The following ZMYM4 variants were observed in gnomAD, a reference collection of about 807,000 sequenced individuals.
The protein encoded by ZMYM4 is zinc finger MYM-type protein 4.
Under a neutral mutation model 183.2 loss-of-function variants are expected in ZMYM4, and 31 were observed. The ratio of observed to expected loss-of-function variants is 0.17; its 90% confidence interval spans 0.13 to 0.23. The LOEUF (loss-of-function observed/expected upper bound fraction) is 0.23. Among genes scored for constraint, ZMYM4 ranks in the 10% least tolerant of loss-of-function variants. The pLI is 1.00. For missense variants in ZMYM4, 1,273 were observed against 1,840.3 expected (o/e 0.69, Z 5.64); for synonymous variants, 592 against 631.2 (o/e 0.94, Z 0.93).
At position 35,322,592 on chromosome 1, in the gene ZMYM4, C is replaced by T. The variant is rs563811904; in HGVS notation, c.40-2768C>T. On this transcript the variant is annotated intron_variant, in intron 1 of 29. Transcript: ENST00000314607. ...GTGTGGAGGTCGCTTATGACCTTGACGAGAAAAGTTTCAGTAGAAATAGTG... is the reference window on the plus strand; with the variant it reads ...GTGTGGAGGTCGCTTATGACCTTGATGAGAAAAGTTTCAGTAGAAATAGTG... Among the ~76,000 whole-genome samples the T allele has an allele frequency of 4.6e-5, 7 of 152,150 alleles. No individual in the cohort carries two copies. The South Asian group carries it at 1.0e-3, about 23-fold the overall frequency.
chr1:35,320,066 A>G (rs1328051777), intron 1 of ZMYM4, among the ~76,000 whole-genome samples: 1 of 152,212 alleles, frequency 6.6e-6, no homozygotes, highest in African/African-American at 2.4e-5. Context: ...ATATAATAGG[A>G]AATACATATT....
intron 25 of ZMYM4, among the ~76,000 whole-genome samples, chr1:35,405,969 G>A (rs1042330156): frequency 6.6e-6 from 1 of 152,074 alleles, no homozygotes; most frequent in African/African-American, 2.4e-5. Context: ...CACTACTTTT[G>A]ACACCCTATT....
intron 1 of ZMYM4, among the ~76,000 whole-genome samples, chr1:35,294,630 C>CT (rs1177544111): frequency 6.6e-6 from 1 of 152,140 alleles, no homozygotes; most frequent in Non-Finnish European, 1.5e-5. Flanking sequence ...GGATGGTCTA[C>CT]TGGCCATTTT....
chr1:35,379,172 G>A (rs1057082558), intron 7 of ZMYM4, among the ~76,000 whole-genome samples: 3 of 152,072 alleles, frequency 2.0e-5, no homozygotes, highest in Non-Finnish European at 2.9e-5. Context: ...GCAATCTCAG[G>A]TCACTGCAGC....
chr1:35,275,784 T>C (rs1017119491), intron 1 of ZMYM4, among the ~76,000 whole-genome samples: 1 of 152,124 alleles, frequency 6.6e-6, no homozygotes, highest in Non-Finnish European at 1.5e-5. Context: ...ACCATTTGAC[T>C]TAAAAAAAAA....
intron 1 of ZMYM4, among the ~76,000 whole-genome samples, chr1:35,315,513 A>G (rs920303150): frequency 8.5e-5 from 13 of 152,336 alleles, no homozygotes; most frequent in African/African-American, 3.1e-4. Flanking sequence ...GGAGAAACCA[A>G]GCCTGTTTTT....
rs762944244 is a variant in ZMYM4, at chr1:35,399,489, T to C, written c.3441T>C (p.Phe1147=). ...DLEADFPSDS[F]DPLNKGQGIQ... ...TTCTGCTGATTATTATAGACTCCTT[T>C]GACCCACTTAATAAAGGACAGGGAA... Residue 1147 remains phenylalanine, a synonymous_variant, in exon 23 of 30, where the codon TTT becomes TTC. Coordinates refer to ENST00000314607, the MANE Select transcript of ZMYM4 (RefSeq NM_005095.3). 1.4e-5 allele frequency: 23 copies of C among 1,614,088 alleles called. No individual in the cohort carries two copies. Among genetic ancestry groups the C allele is most frequent in the Non-Finnish European group, 1.9e-5 (22 of 1,179,974 alleles).
chr1:35,300,190 A>G (rs576677750), intron 1 of ZMYM4, among the ~76,000 whole-genome samples: 1 of 152,198 alleles, frequency 6.6e-6, no homozygotes, highest in East Asian at 1.9e-4. Context: ...AGGTGTGGAA[A>G]TTTGGGGTTT....
intron 2 of ZMYM4, among the ~76,000 whole-genome samples, chr1:35,336,216 GTTGAACCTTCT>G (rs1642969816): frequency 1.3e-5 from 2 of 152,174 alleles, no homozygotes; most frequent in Admixed American, 1.3e-4. Context: ...GTGGAACCAT[GTTGAACCTTCT>G]TGTACCATGT....
chr1:35,395,952 G>A (rs114859790), intron 18 of ZMYM4, among the ~76,000 whole-genome samples: 2,667 of 152,042 alleles, frequency 0.018, 73 homozygotes, highest in African/African-American at 0.06. Flanking sequence ...TCCAAGTTCT[G>A]TTTCATCCTT....
At chr1:35,388,871 CT>C in intron 13 of ZMYM4, 38 bp from the exon 14 acceptor site, 1 of 1,597,590 alleles carries the variant, frequency 6.3e-7, no homozygotes, top group Non-Finnish European at 8.6e-7. Flanking sequence ...AAAACTAATA[CT>C]TCTACCTAAT....
intron 10 of ZMYM4, 101 bp downstream of exon 10, chr1:35,385,693 A>T (rs1644560626): frequency 7.6e-7 from 1 of 1,317,022 alleles, no homozygotes; most frequent in East Asian, 2.6e-5. Flanking sequence ...AGGCACATTT[A>T]ACATATTTCA....
At chr1:35,399,392 T>C in intron 22 of ZMYM4, 90 bp from the exon 23 acceptor site, 3 of 1,172,658 alleles carry the variant, frequency 2.6e-6, no homozygotes, top group South Asian at 1.4e-5. Flanking sequence ...AATATAGTGA[T>C]GATTACCTGA....
At chr1:35,417,859 A>C (rs1640183572) in intron 28 of ZMYM4, among the ~76,000 whole-genome samples, 1 of 152,124 alleles carries the variant, frequency 6.6e-6, no homozygotes. Context: ...AAAATACAAA[A>C]AAATTAGCTG....
At chr1:35,339,463 G>A (rs1643116289) in intron 2 of ZMYM4, among the ~76,000 whole-genome samples, 1 of 152,114 alleles carries the variant, frequency 6.6e-6, no homozygotes, top group African/African-American at 2.4e-5. Flanking sequence ...TCAAACTCCT[G>A]ACCTCAGGTG....
chr1:35,290,009 C>T (rs112492024), intron 1 of ZMYM4, among the ~76,000 whole-genome samples: 1 of 151,956 alleles, frequency 6.6e-6, no homozygotes, highest in Non-Finnish European at 1.5e-5. Context: ...ACTCTGTCAC[C>T]TAGGCTGGAG....
intron 7 of ZMYM4, among the ~76,000 whole-genome samples, chr1:35,379,351 G>A (rs191297947): frequency 1.3e-5 from 2 of 152,188 alleles, no homozygotes; most frequent in African/African-American, 4.8e-5. Context: ...CACCCACCTC[G>A]ACCTCCCAAA....
intron 1 of ZMYM4, among the ~76,000 whole-genome samples, chr1:35,277,606 C>T (rs1246373403): frequency 6.6e-6 from 1 of 152,030 alleles, no homozygotes; most frequent in African/African-American, 2.4e-5. Context: ...AATGATAATT[C>T]TTGCCTATAT....
chr1:35,386,302 G>T, intron 11 of ZMYM4, 113 bp downstream of exon 11: 1 of 703,372 alleles, frequency 1.4e-6, no homozygotes. Flanking sequence ...TAAAGAAAGA[G>T]GTTTAATTGG....
Sources: allele counts gnomAD v4.1 joint callset (sites outside exome capture counted in the v4.1 genomes callset), GRCh38; gene constraint gnomAD v4.1.1; transcripts MANE v1.5; gene names NCBI Gene and HGNC (gene_info 2026-07-23, HGNC 2026-07-21).